The following TPM2 variants were observed in gnomAD, a reference collection of about 807,000 sequenced individuals.
TPM2 encodes tropomyosin 2, also known as tropomyosin beta chain.
TPM2 carries 26 observed loss-of-function variants against 41.0 expected under a neutral mutation model. That is an observed-to-expected ratio of 0.63 (90% confidence interval 0.46 to 0.88). The LOEUF (loss-of-function observed/expected upper bound fraction) is 0.88. Ranked by LOEUF, TPM2 falls within the 40% of genes least tolerant of loss-of-function variation. TPM2 has a pLI of 0.00. For synonymous variants in TPM2, 143 were observed against 139.3 expected (o/e 1.03, Z -0.19); for missense variants, 187 against 355.2 (o/e 0.53, Z 3.81).
chr9:35,682,714 T>C (rs1170001875), downstream of TPM2: 1 of 1,313,202 alleles, frequency 7.6e-7, no homozygotes, highest in Non-Finnish European at 1.0e-6. Flanking sequence ...GCGGTCATGG[T>C]TTGATGGGGC....
Position 35,683,097 on chromosome 9 carries a change from C to T in TPM2, c.*62G>A. The T allele has an allele frequency of 2.6e-6, 4 of 1,551,766 alleles. No individual in the cohort carries two copies. The highest frequency in any genetic ancestry group is 3.5e-6 in the Non-Finnish European group (4 of 1,147,018). ...CTGCTCCTCCTGCCTGCTCCCCTCCCCATAGAGAGAATGGAAAGGAGAGGA... is the reference window on the plus strand; with the variant it reads ...CTGCTCCTCCTGCCTGCTCCCCTCCTCATAGAGAGAATGGAAAGGAGAGGA... On this transcript the variant is annotated 3_prime_UTR_variant, in exon 9 of 9. Coordinates refer to ENST00000645482, the MANE Select transcript of TPM2 (RefSeq NM_003289.4).
chr9:35,685,070 C>T lies in TPM2; in HGVS notation c.563+199G>A. Reference sequence around the variant, plus strand: ...GGTTCAGAGGGGTCACTACCTCCTCCTCTGAGGCCATCAGGGACTTGAGGG... The same window carrying T: ...GGTTCAGAGGGGTCACTACCTCCTCTTCTGAGGCCATCAGGGACTTGAGGG... On this transcript the variant is annotated intron_variant, in intron 5 of 8. Transcript: ENST00000645482. The surrounding 1 kb of genome is among the most constrained non-coding windows in gnomAD (Gnocchi z 5.0). 6.2e-7 allele frequency: 1 copy of T among 1,614,202 alleles called. No individual in the cohort carries two copies.
chr9:35,687,294 G>C (rs1490832952), intron 2 of TPM2, among the ~76,000 whole-genome samples: 6 of 152,240 alleles, frequency 3.9e-5, no homozygotes, highest in African/African-American at 1.2e-4. Context: ...CTGATGATAA[G>C]CCAAGTTTGG....
downstream of TPM2, chr9:35,682,626 C>T (rs1824632064): frequency 9.2e-6 from 12 of 1,304,530 alleles, no homozygotes; most frequent in Admixed American, 4.6e-5. Flanking sequence ...CACCTCACCA[C>T]CCTACTTCCT....
Position 35,685,274 on chromosome 9 carries a change from G to A in TPM2, c.558C>T (p.Ala186=), listed in dbSNP as rs746177794. The A allele has an allele frequency of 1.1e-5, 18 of 1,614,016 alleles. No individual in the cohort carries two copies. Among genetic ancestry groups the A allele is most frequent in the East Asian group, 2.2e-5 (1 of 44,886 alleles). Residue 186 remains alanine, a synonymous_variant, in exon 5 of 9, where the codon GCC becomes GCT. Transcript: ENST00000645482. The surrounding 1 kb of genome is among the most constrained non-coding windows in gnomAD (Gnocchi z 5.0). ...LERSEERAEV[A]ESKCGDLEEE... The stretch of plus-strand genomic sequence containing the variant: ...TCACCCCCGGGTATCTTTACCTCTC[G>A]GCCACCTCAGCCCTCTCCTCCGAGC...
intron 2 of TPM2, among the ~76,000 whole-genome samples, chr9:35,688,418 T>C (rs1208656812): frequency 6.6e-6 from 1 of 152,226 alleles, no homozygotes; most frequent in Non-Finnish European, 1.5e-5. Context: ...CAAAGCCATA[T>C]GGCCATTCTC....
chr9:35,687,267 A>T (rs1824975154), intron 2 of TPM2, among the ~76,000 whole-genome samples: 1 of 151,772 alleles, frequency 6.6e-6, no homozygotes, highest in African/African-American at 2.4e-5. Flanking sequence ...TTTTTTTTTT[A>T]AAGCCCCCGA....
Position 35,689,550 on chromosome 9 carries a change from C to G in TPM2, c.114+154G>C. The G allele has an allele frequency of 3.4e-6, 3 of 892,122 alleles. No individual in the cohort carries two copies. The South Asian group carries it at 1.5e-4, about 46-fold the overall frequency. The allele number at this position is 892,122 out of a possible 1,614,324, so 55.3% of individuals were successfully genotyped here. A position where few individuals can be genotyped will look rare whatever the true frequency, so the allele number is the denominator to read the frequency against. ...GCTATTGTAGGGGAGAGAAGCGGCT[C>G]TGGCGAAGGCCCTGAGGGTACTGCG... is the stretch of plus-strand genomic sequence containing the variant. On this transcript the variant is annotated intron_variant, in intron 1 of 8. Transcript: ENST00000645482.
rs1262812509 is a variant in TPM2 at position 35,685,611 on chromosome 9, C to T, written c.374+36G>A. ...GACCAGCAGAGACAGGCTCCCTTCT[C>T]CCTCCCGGACCATCCTCCCCGAGGC... is the stretch of plus-strand genomic sequence containing the variant. On this transcript the variant is annotated intron_variant, in intron 3 of 8. Coordinates refer to ENST00000645482, the MANE Select transcript of TPM2 (RefSeq NM_003289.4). This position sits in a 1 kb window ranked among gnomAD's most constrained non-coding sequence, Gnocchi z 5.0. 5.6e-6 allele frequency: 9 copies of T among 1,614,056 alleles called. No individual in the cohort carries two copies. Among genetic ancestry groups the T allele is most frequent in the Non-Finnish European group, 5.9e-6 (7 of 1,180,034 alleles).
chr9:35,682,865 G>A, downstream of TPM2: 2 of 1,449,806 alleles, frequency 1.4e-6, no homozygotes, highest in South Asian at 1.2e-5. Flanking sequence ...CAGGGTGTCA[G>A]GAGTGAACCA....
chr9:35,684,122 G>A, intron 8 of TPM2, 124 bp downstream of exon 8: 1 of 901,380 alleles, frequency 1.1e-6, no homozygotes, highest in Non-Finnish European at 1.8e-6. Context: ...CAGAGTTGGG[G>A]AGTTGGTAGG....
At chr9:35,682,705 C>A (rs192914007), downstream of TPM2, 2 of 1,313,610 alleles carry the variant, frequency 1.5e-6, no homozygotes, top group Non-Finnish European at 1.0e-6. Context: ...GCACCAGAGG[C>A]GGTCATGGTT....
chr9:35,683,288 A>T, intron 8 of TPM2, 47 bp from the exon 9 acceptor site: 1 of 1,512,958 alleles, frequency 6.6e-7, no homozygotes, highest in Admixed American at 2.0e-5. Flanking sequence ...TGGGAAAGGG[A>T]GTGGAGGGAA....
downstream of TPM2, chr9:35,682,760 G>A (rs767411159): frequency 2.1e-5 from 28 of 1,319,210 alleles, no homozygotes; most frequent in Admixed American, 3.0e-4. Context: ...ATCAGAGAGC[G>A]ACAGCCAGGG....
chr9:35,682,908 G>A (rs1018718755), downstream of TPM2: 1 of 1,490,446 alleles, frequency 6.7e-7, no homozygotes. Context: ...GTGCTCTCTG[G>A]AGGGCAGGAA....
intron 1 of TPM2, 106 bp downstream of exon 1, chr9:35,689,598 T>TGA (rs1226868451): frequency 6.3e-7 from 1 of 1,582,738 alleles, no homozygotes; most frequent in Non-Finnish European, 8.6e-7. Flanking sequence ...CCACCCTGGG[T>TGA]GAGAGAGAGC....
At chr9:35,683,629 G>A (rs1040704877) in intron 8 of TPM2, among the ~76,000 whole-genome samples, 1 of 152,236 alleles carries the variant, frequency 6.6e-6, no homozygotes, top group Non-Finnish European at 1.5e-5. Flanking sequence ...CTGGAAGCGA[G>A]AGAAGTGGGA....
downstream of TPM2, chr9:35,682,476 G>T (rs1191626504): frequency 2.3e-6 from 3 of 1,299,506 alleles, no homozygotes; most frequent in East Asian, 3.6e-5. Flanking sequence ...CAAAGACTGC[G>T]CCAGGAAAGG....
At position 35,684,825 on chromosome 9, in the gene TPM2, C is replaced by T. The variant is rs756207778; in HGVS notation, c.564-18G>A. 8 of 1,597,288 alleles carry T rather than the reference C, an allele frequency of 5.0e-6. No homozygotes were observed. Among genetic ancestry groups the T allele is most frequent in the Middle Eastern group, 1.7e-4 (1 of 6,020 alleles). On this transcript the variant is annotated intron_variant, in intron 5 of 8. Coordinates refer to ENST00000645482, the MANE Select transcript of TPM2 (RefSeq NM_003289.4). ...CACATTTACTGCAGGGGGTGTGTGGCGGGGGGGGCAGGGTGTGAGGGCACA... is the reference window on the plus strand; with the variant it reads ...CACATTTACTGCAGGGGGTGTGTGGTGGGGGGGGCAGGGTGTGAGGGCACA...
Sources: allele counts gnomAD v4.1 joint callset (sites outside exome capture counted in the v4.1 genomes callset), GRCh38; gene constraint gnomAD v4.1.1; non-coding constraint Gnocchi (gnomAD v3.1); transcripts MANE v1.5; gene names NCBI Gene and HGNC (gene_info 2026-07-23, HGNC 2026-07-21).